The following ATG7 variants were observed in gnomAD, a reference collection of about 807,000 sequenced individuals.
ATG7 encodes autophagy related 7.
ATG7 carries 70 observed loss-of-function variants against 82.4 expected under a neutral mutation model. That is an observed-to-expected ratio of 0.85 (90% confidence interval 0.70 to 1.04). The LOEUF is 1.04. Among genes scored for constraint, ATG7 ranks in the 50% least tolerant of loss-of-function variants. The pLI is 0.00. For synonymous variants in ATG7, 287 were observed against 313.0 expected (o/e 0.92, Z 0.88); for missense variants, 792 against 864.3 (o/e 0.92, Z 1.05).
In ATG7 at chr3:11,482,937, C is replaced by T. The variant is rs529924351; in HGVS notation, c.2079+56011C>T. On this transcript the variant is annotated intron_variant, in intron 20 of 20. Transcript: ENST00000693202. ...AGAACATTTCCAGGACTTGAGAAGC[C>T]CCCCCTTGAGCCCCTTACAGTCAGT... 2.6e-5 allele frequency among the ~76,000 whole-genome samples: 4 copies of T among 151,676 alleles called. No individual in the cohort carries two copies. In the East Asian group the frequency reaches 7.7e-4, roughly 29 times the overall value.
Position 11,426,844 on chromosome 3 carries a change from C to T in ATG7, c.1997C>T (p.Ala666Val), listed in dbSNP as rs149537713. Residue 666 changes from alanine (A) to valine (V), a missense_variant, in exon 20 of 21, where the codon GCC (alanine) becomes GTC (valine). Ala to Val is a moderately conservative substitution (Grantham distance 64). Coordinates refer to ENST00000693202, the MANE Select transcript of ATG7 (RefSeq NM_001349232.2). The stretch of plus-strand genomic sequence containing the variant: ...GAACGAGAAGGATTTAACTTCCTAG[C>T]CAAGGTGTTTAATTCTTCACATTCC... The part of the protein sequence containing the change: ...QYEREGFNFL[A>V]KVFNSSHSFL... 3.1e-6 allele frequency: 5 copies of T among 1,611,034 alleles called. No individual in the cohort carries two copies. The African/African-American group carries it at 6.7e-5, about 22-fold the overall frequency.
intron 20 of ATG7, among the ~76,000 whole-genome samples, chr3:11,495,557 G>A (rs995804225): frequency 3.3e-5 from 5 of 152,174 alleles, no homozygotes; most frequent in Admixed American, 6.5e-5. Context: ...CCAGAAGGGT[G>A]CAGGCAGTTT....
At chr3:11,431,271 T>C (rs1176675795) in intron 20 of ATG7, among the ~76,000 whole-genome samples, 1 of 152,118 alleles carries the variant, frequency 6.6e-6, no homozygotes, top group Non-Finnish European at 1.5e-5. Flanking sequence ...TGTGGTGGCA[T>C]GTGCCTGTAA....
At chr3:11,334,786 C>G (rs1324077292) in intron 11 of ATG7, among the ~76,000 whole-genome samples, 1 of 151,016 alleles carries the variant, frequency 6.6e-6, no homozygotes, top group Non-Finnish European at 1.5e-5. Context: ...GGCGAAACCC[C>G]GTCTCTACTA....
intron 3 of ATG7, among the ~76,000 whole-genome samples, chr3:11,296,442 G>T (rs977221777): frequency 2.0e-5 from 3 of 151,956 alleles, no homozygotes; most frequent in African/African-American, 7.2e-5. Flanking sequence ...GCCCCAACGA[G>T]GGTCCCCTCC....
At chr3:11,533,387 A>G (rs1575220535) in intron 20 of ATG7, among the ~76,000 whole-genome samples, 1 of 152,124 alleles carries the variant, frequency 6.6e-6, no homozygotes, top group East Asian at 1.9e-4. Flanking sequence ...ATTTCTTAAG[A>G]AAGATAAAGT....
intron 20 of ATG7, among the ~76,000 whole-genome samples, chr3:11,484,425 A>C (rs2089381672): frequency 6.6e-6 from 1 of 152,262 alleles, no homozygotes; most frequent in Admixed American, 6.5e-5. Flanking sequence ...AAAAAACCAC[A>C]AAAACGACAA....
At chr3:11,363,037 A>G in intron 17 of ATG7, 109 bp downstream of exon 17, 1 of 954,308 alleles carries the variant, frequency 1.0e-6, no homozygotes, top group Non-Finnish European at 1.6e-6. Flanking sequence ...GAATTTCACT[A>G]TTTCACCCTC....
chr3:11,366,971 CTGTGTGTGTGTGTG>C (rs60183965), intron 18 of ATG7, among the ~76,000 whole-genome samples: 39 of 139,786 alleles, frequency 2.8e-4, no homozygotes, highest in Admixed American at 1.2e-3. Context: ...ATGGGAAAAG[CTGTGTGTGTGTGTG>C]TGTGTGTGTG....
intron 19 of ATG7, among the ~76,000 whole-genome samples, chr3:11,394,871 C>T (rs1212374248): frequency 6.6e-6 from 1 of 152,050 alleles, no homozygotes; most frequent in Non-Finnish European, 1.5e-5. Flanking sequence ...GTTACAATAT[C>T]CAGCCACAGA....
chr3:11,426,694 T>C (rs1282206381), intron 19 of ATG7, 110 bp from the exon 20 acceptor site: 1 of 1,127,532 alleles, frequency 8.9e-7, no homozygotes. Context: ...TCCCCATGTT[T>C]AATTCTCATT....
At chr3:11,528,076 G>C (rs1043277748) in intron 20 of ATG7, among the ~76,000 whole-genome samples, 1 of 152,164 alleles carries the variant, frequency 6.6e-6, no homozygotes, top group Non-Finnish European at 1.5e-5. Flanking sequence ...GCCTTCTGTT[G>C]CCTTCTCATG....
intron 18 of ATG7, among the ~76,000 whole-genome samples, chr3:11,366,299 G>A (rs896307035): frequency 1.3e-5 from 2 of 151,610 alleles, no homozygotes; most frequent in African/African-American, 2.4e-5. Flanking sequence ...AGAAAAGCAG[G>A]TGCTTTACTT....
intron 11 of ATG7, among the ~76,000 whole-genome samples, chr3:11,336,395 G>A (rs180952693): frequency 5.3e-5 from 8 of 152,132 alleles, no homozygotes; most frequent in East Asian, 1.9e-4. Flanking sequence ...GTTTTCTGTC[G>A]TCCACTAATG....
intron 1 of ATG7, among the ~76,000 whole-genome samples, chr3:11,278,406 C>T (rs972426950): frequency 1.3e-5 from 2 of 152,184 alleles, no homozygotes; most frequent in African/African-American, 2.4e-5. Flanking sequence ...AAAATGAAAT[C>T]TTCGCAATTT....
intron 1 of ATG7, chr3:11,272,812 C>T (rs1295141933): frequency 6.6e-6 from 1 of 152,196 alleles, no homozygotes; most frequent in Non-Finnish European, 1.5e-5. Flanking sequence ...ACGTTCCTTC[C>T]CCATCTAAGC....
chr3:11,447,945 T>C (rs1559644661), intron 20 of ATG7, among the ~76,000 whole-genome samples: 1 of 152,226 alleles, frequency 6.6e-6, no homozygotes, highest in Non-Finnish European at 1.5e-5. Context: ...TAGAAGTCCA[T>C]TGTAAGTTCA....
At chr3:11,503,032 G>A (rs913586024) in intron 20 of ATG7, among the ~76,000 whole-genome samples, 7 of 152,158 alleles carry the variant, frequency 4.6e-5, no homozygotes, top group African/African-American at 1.7e-4. Flanking sequence ...ACCAGATACA[G>A]GGGTATCCAA....
At chr3:11,404,312 T>C (rs1175131560) in intron 19 of ATG7, among the ~76,000 whole-genome samples, 1 of 151,810 alleles carries the variant, frequency 6.6e-6, no homozygotes, top group Non-Finnish European at 1.5e-5. Context: ...ATTTTTTTAT[T>C]TTTAGTAGAG....
Sources: gnomAD v4.1 joint callset for allele counts (sites outside exome capture counted in the v4.1 genomes callset) on GRCh38, gnomAD v4.1.1 for gene constraint, MANE v1.5 for transcripts, NCBI Gene and HGNC (gene_info 2026-07-23, HGNC 2026-07-21) for gene names.